The following DMBT1 variants were observed in gnomAD, a reference collection of about 807,000 sequenced individuals.
DMBT1 encodes the protein scavenger receptor cysteine-rich domain-containing protein DMBT1.
A neutral mutation model predicts 252.9 loss-of-function variants in DMBT1; 198 were observed. That is an observed-to-expected ratio of 0.78 (90% CI 0.70 to 0.88). The LOEUF (loss-of-function observed/expected upper bound fraction) is 0.88. DMBT1 is among the 40% of genes least tolerant of loss of function. The pLI, the probability that DMBT1 is intolerant of heterozygous loss-of-function variation, is 0.00. For missense variants in DMBT1, 2,432 were observed against 2,404.7 expected (o/e 1.01, Z -0.24); for synonymous variants, 990 against 942.7 (o/e 1.05, Z -0.92).
chr10:122,625,344 G>A, intron 45 of DMBT1, 41 bp downstream of exon 45: 1 of 1,581,572 alleles, frequency 6.3e-7, no homozygotes, highest in East Asian at 2.2e-5. Flanking sequence ...TTTCTCTTGG[G>A]AATTCCACCC....
At chr10:122,628,380 A>T (rs1245712712) in intron 46 of DMBT1, among the ~76,000 whole-genome samples, 2 of 152,232 alleles carry the variant, frequency 1.3e-5, no homozygotes, top group Non-Finnish European at 2.9e-5. Context: ...TCATACCTGT[A>T]ATCCCAGCAT....
intron 45 of DMBT1, 74 bp downstream of exon 45, chr10:122,625,377 G>T: frequency 6.9e-7 from 1 of 1,455,396 alleles, no homozygotes; most frequent in Non-Finnish European, 9.5e-7. Context: ...AGAAGTAGGA[G>T]GAGTAGGGTA....
intron 46 of DMBT1, among the ~76,000 whole-genome samples, chr10:122,626,944 G>A (rs1051917241): frequency 2.6e-4 from 40 of 152,274 alleles, no homozygotes; most frequent in African/African-American, 8.7e-4. Flanking sequence ...CCCTAGGGTG[G>A]GAAGGAGCTT....
chr10:122,579,088 G>A (rs1013100345), intron 9 of DMBT1, among the ~76,000 whole-genome samples: 1 of 152,088 alleles, frequency 6.6e-6, no homozygotes, highest in African/African-American at 2.4e-5. Flanking sequence ...TTGGAGGGTG[G>A]AGGGTGCTGG....
intron 27 of DMBT1, among the ~76,000 whole-genome samples, chr10:122,600,401 T>A (rs1302786884): frequency 6.6e-6 from 1 of 152,142 alleles, no homozygotes; most frequent in Non-Finnish European, 1.5e-5. Context: ...CCTTTTATAT[T>A]CCGGACTCAC....
chr10:122,638,607 A>C (rs1011952635), intron 54 of DMBT1, among the ~76,000 whole-genome samples: 5 of 152,204 alleles, frequency 3.3e-5, no homozygotes, highest in South Asian at 2.1e-4. Flanking sequence ...ACACCCAGCT[A>C]ATTAACAAAT....
Position 122,577,814 on chromosome 10 carries a change from C to T in DMBT1, c.611C>T (p.Ala204Val), listed in dbSNP as rs759752756. Residue 204 changes from alanine to valine, a missense_variant, in exon 8 of 56, where the codon GCC (alanine) becomes GTC (valine). Coordinates refer to ENST00000338354, the MANE Select transcript of DMBT1 (RefSeq NM_001377530.1). ...TGTTGCTATTTTTTTCTCACAGCTG[C>T]CCAGCCTCAGTCAACACTCAGGCCA... is the stretch of plus-strand genomic sequence containing the variant. ...GEDAGVICSA[A>V]QPQSTLRPES... 2 of 1,613,650 alleles carry T rather than the reference C, an allele frequency of 1.2e-6. No individual in the cohort carries two copies. The highest frequency in any genetic ancestry group is 8.5e-7 in the Non-Finnish European group (1 of 1,179,730).
chr10:122,591,514 G>A lies in DMBT1; in HGVS notation c.2173G>A (p.Val725Ile), dbSNP rs760295141. The A allele has an allele frequency of 1.9e-6, 3 of 1,586,364 alleles. No homozygotes were observed. The highest frequency in any genetic ancestry group is 1.7e-5 in the Admixed American group (1 of 59,518). ...GACCATCACGTTACCTCCATCGACA[G>A]TAGGTAAATAATCCTCTCACCCCTC... ...LSTITLPPST[V>I]GSESSLTLRL... Residue 725 changes from valine (V) to isoleucine (I), a missense_variant, in exon 19 of 56, where the codon GTA becomes ATA. Val to Ile is a conservative substitution (Grantham distance 29). Coordinates refer to ENST00000338354, the MANE Select transcript of DMBT1 (RefSeq NM_001377530.1).
Position 122,629,861 on chromosome 10 carries a change from G to A in DMBT1, c.5690G>A (p.Gly1897Asp), listed in dbSNP as rs769188233. 1.2e-6 allele frequency: 2 copies of A among 1,613,962 alleles called. No homozygotes were observed. The highest frequency in any genetic ancestry group is 3.3e-5 in the Admixed American group (2 of 60,012). ...CTAGGACCCTCTTCAAATTGTGGTG[G>A]CTTCTTATTCTATGCCAGTGGGACA... Reference protein sequence around the residue: ...TTARPSSNCGGFLFYASGTFS... With the variant: ...TTARPSSNCGDFLFYASGTFS... The change falls in exon 47 of 56, where the codon GGC (glycine) becomes GAC (aspartate). Residue 1897 changes from glycine to aspartate, a missense_variant. By Grantham distance (94) the Gly-to-Asp change is moderately conservative. Around this residue, in one of 3 missense-constraint regions of DMBT1, gnomAD observed 1,162 missense variants for 1,169.0 expected, o/e 0.99. Transcript: ENST00000338354.
At chr10:122,600,749 C>G (rs1036545073) in intron 27 of DMBT1, among the ~76,000 whole-genome samples, 1 of 152,142 alleles carries the variant, frequency 6.6e-6, no homozygotes, top group African/African-American at 2.4e-5. Flanking sequence ...TGGGGGCATC[C>G]TCTAAGAGAT....
intron 28 of DMBT1, 109 bp downstream of exon 28, chr10:122,601,132 G>A: frequency 4.4e-6 from 2 of 453,954 alleles, no homozygotes; most frequent in East Asian, 3.3e-5. Flanking sequence ...TCACTCCCCT[G>A]TGGGTTGCGT....
chr10:122,625,995 A>G, intron 46 of DMBT1, 30 bp downstream of exon 46: 1 of 1,586,664 alleles, frequency 6.3e-7, no homozygotes. Context: ...CCTGAACCAT[A>G]GGTCATACAT....
intron 25 of DMBT1, among the ~76,000 whole-genome samples, chr10:122,598,367 C>CA (rs2033997324): frequency 6.6e-6 from 1 of 152,184 alleles, no homozygotes. Flanking sequence ...ACTGTCCCCA[C>CA]ACCTGTCTGG....
intron 4 of DMBT1, among the ~76,000 whole-genome samples, chr10:122,571,840 C>A (rs1460022822): frequency 6.6e-6 from 1 of 152,206 alleles, no homozygotes; most frequent in Non-Finnish European, 1.5e-5. Flanking sequence ...AAGGGGGCAT[C>A]GTCCTCCATG....
rs576957950 is a variant in DMBT1 at position 122,617,751 on chromosome 10, A to T, written c.4892-266A>T. Among the ~76,000 whole-genome samples the T allele has an allele frequency of 1.9e-4, 29 of 151,692 alleles. 1 individual carries two copies. Among genetic ancestry groups the T allele is most frequent in the African/African-American group, 7.0e-4 (29 of 41,222 alleles). On this transcript the variant is annotated intron_variant, in intron 40 of 55. Coordinates refer to ENST00000338354, the MANE Select transcript of DMBT1 (RefSeq NM_001377530.1). ...GGAGCTCCATCCTGTGTGTGCCCAG[A>T]GTAGGGAGTGGGGCATTCATTCCTG...
chr10:122,593,028 GA>G (rs1175346472), intron 20 of DMBT1, among the ~76,000 whole-genome samples: 1 of 148,706 alleles, frequency 6.7e-6, no homozygotes, highest in East Asian at 2.1e-4. Flanking sequence ...ACCCAGTGAG[GA>G]GGTCTGGAAA....
chr10:122,579,499 G>A (rs1465636527), intron 9 of DMBT1, 79 bp from the exon 10 acceptor site: 1 of 1,603,510 alleles, frequency 6.2e-7, no homozygotes. Context: ...TCATTAGGAA[G>A]TACCCTGAGT....
At chr10:122,579,993 T>C in intron 10 of DMBT1, 92 bp downstream of exon 10, 1 of 1,569,654 alleles carries the variant, frequency 6.4e-7, no homozygotes, top group Non-Finnish European at 8.6e-7. Context: ...CACTCAAAGC[T>C]TCTATGTTTT....
Position 122,570,220 on chromosome 10 carries a change from T to A in DMBT1, c.139+11T>A. On this transcript the variant is annotated intron_variant, in intron 3 of 55. Transcript: ENST00000338354. ...CAACTGTAGCAGAAGGTAAGGTCTA[T>A]TATGGGGGAACCCTGTGGGCTCATT... The A allele has an allele frequency of 1.3e-6, 2 of 1,573,154 alleles. No individual in the cohort carries two copies. The highest frequency in any genetic ancestry group is 1.7e-6 in the Non-Finnish European group (2 of 1,143,066).
Sources: gnomAD v4.1 joint callset for allele counts (sites outside exome capture counted in the v4.1 genomes callset) on GRCh38, gnomAD v4.1.1 for gene constraint, gnomAD v4.1.1 regional missense constraint, MANE v1.5 for transcripts, NCBI Gene and HGNC (gene_info 2026-07-23, HGNC 2026-07-21) for gene names.